SLFN12L: variants seen among roughly 807,000 people sequenced by gnomAD.
SLFN12L encodes schlafen family member 12 like.
Under a neutral mutation model 34.8 loss-of-function variants are expected in SLFN12L, and 34 were observed. The ratio of observed to expected loss-of-function variants is 0.98; its 90% CI spans 0.74 to 1.30. The LOEUF is 1.30. Among genes scored for constraint, SLFN12L ranks in the 50% most tolerant of loss-of-function variants. The pLI, the probability that SLFN12L is intolerant of heterozygous loss-of-function variation, is 0.00. For missense variants in SLFN12L, 703 were observed against 696.2 expected (o/e 1.01, Z -0.11); for synonymous variants, 259 against 247.5 (o/e 1.05, Z -0.44).
chr17:35,482,141 C>T (rs1914368087), intron 2 of SLFN12L, among the ~76,000 whole-genome samples: 1 of 152,236 alleles, frequency 6.6e-6, no homozygotes, highest in Non-Finnish European at 1.5e-5. Context: ...TTTGGGATTA[C>T]AGGCATGAGC....
At chr17:35,476,155 C>T (rs1335599864) in intron 4 of SLFN12L, among the ~76,000 whole-genome samples, 2 of 151,902 alleles carry the variant, frequency 1.3e-5, no homozygotes, top group South Asian at 2.1e-4. Context: ...CTAAAGAAAA[C>T]AGAGGTCAGA....
chr17:35,511,584 T>TACACACACACACAC (rs58683369), intron 2 of SLFN12L, among the ~76,000 whole-genome samples: 19 of 148,428 alleles, frequency 1.3e-4, no homozygotes, highest in African/African-American at 4.5e-4. Flanking sequence ...CACACACACA[T>TACACACACACACAC]ACACACACAC....
At chr17:35,516,150 G>A (rs2099468838) in intron 2 of SLFN12L, among the ~76,000 whole-genome samples, 1 of 152,100 alleles carries the variant, frequency 6.6e-6, no homozygotes, top group Admixed American at 6.6e-5. Flanking sequence ...TTATCTTTCT[G>A]AGGAAACTAT....
At position 35,522,319 on chromosome 17, in the gene SLFN12L, G is replaced by T; in HGVS notation, c.46C>A (p.Leu16Ile). 6.2e-7 allele frequency: 1 copy of T among 1,614,164 alleles called. No individual in the cohort carries two copies. Among genetic ancestry groups the T allele is most frequent in the Non-Finnish European group, 8.5e-7 (1 of 1,180,024 alleles). Residue 16 changes from leucine to isoleucine, a missense_variant, in exon 2 of 5, where the codon CTC (leucine) becomes ATC (isoleucine). Transcript: ENST00000628453. ...AGAAACTGACTTTCACAAATGTAGA[G>T]AATTCTGTGTGCCTCACAGTGAAAC... ...NVFHCEAHRI[L>I]YICESQFLRN...
chr17:35,490,043 T>C (rs1914768804), intron 2 of SLFN12L: 1 of 1,604,172 alleles, frequency 6.2e-7, no homozygotes, highest in African/African-American at 1.3e-5. Flanking sequence ...CACCACCTCC[T>C]GTTCCCTCTC....
chr17:35,505,288 AG>A (rs749948818), intron 2 of SLFN12L, among the ~76,000 whole-genome samples: 9 of 152,120 alleles, frequency 5.9e-5, no homozygotes, highest in Admixed American at 3.9e-4. Flanking sequence ...GAGAAAAAAA[AG>A]TGGCAGATGG....
intron 2 of SLFN12L, among the ~76,000 whole-genome samples, chr17:35,517,269 A>G (rs1597874749): frequency 6.6e-6 from 1 of 152,234 alleles, no homozygotes; most frequent in Non-Finnish European, 1.5e-5. Context: ...AGACAAGCAC[A>G]GAGCCAAATC....
chr17:35,513,833 A>G (rs906409234), intron 2 of SLFN12L, among the ~76,000 whole-genome samples: 13 of 152,280 alleles, frequency 8.5e-5, no homozygotes, highest in African/African-American at 1.4e-4. Context: ...AGATTAATTT[A>G]CAGAGTAGTG....
intron 2 of SLFN12L, among the ~76,000 whole-genome samples, chr17:35,493,135 CA>C (rs1914906797): frequency 1.3e-5 from 2 of 152,200 alleles, no homozygotes; most frequent in South Asian, 4.1e-4. Context: ...AACGAAGGTG[CA>C]GACTATCTTC....
intron 1 of SLFN12L, among the ~76,000 whole-genome samples, chr17:35,526,655 AC>A (rs938175294): frequency 6.6e-6 from 1 of 152,252 alleles, no homozygotes; most frequent in African/African-American, 2.4e-5. Context: ...GTTCTTCATA[AC>A]CAATGAGAAC....
chr17:35,519,801 G>C (rs948200032), intron 2 of SLFN12L, among the ~76,000 whole-genome samples: 3 of 152,110 alleles, frequency 2.0e-5, no homozygotes, highest in Non-Finnish European at 2.9e-5. Flanking sequence ...TGAAAATCTT[G>C]AGTATGAAAA....
intron 2 of SLFN12L, among the ~76,000 whole-genome samples, chr17:35,486,508 G>A (rs8064947): frequency 2.4e-3 from 359 of 152,016 alleles, no homozygotes; most frequent in African/African-American, 8.3e-3. Flanking sequence ...CTGGCCACCC[G>A]AGTCCAACAC....
chr17:35,506,617 G>T (rs778761252), intron 2 of SLFN12L, among the ~76,000 whole-genome samples: 14 of 152,146 alleles, frequency 9.2e-5, no homozygotes, highest in Non-Finnish European at 1.9e-4. Flanking sequence ...CTTCTATGAT[G>T]AACTAAATGT....
At chr17:35,519,272 G>T (rs1156880111) in intron 2 of SLFN12L, among the ~76,000 whole-genome samples, 1 of 151,888 alleles carries the variant, frequency 6.6e-6, no homozygotes, top group Non-Finnish European at 1.5e-5. Context: ...CAGGTTGATG[G>T]GTGCAGCAAA....
chr17:35,492,281 TG>T (rs1029395794), intron 2 of SLFN12L, among the ~76,000 whole-genome samples: 1 of 152,180 alleles, frequency 6.6e-6, no homozygotes, highest in Non-Finnish European at 1.5e-5. Flanking sequence ...GAGTCAGTCC[TG>T]GGGCTTGCTG....
At chr17:35,529,458 A>G (rs924902440) in intron 1 of SLFN12L, among the ~76,000 whole-genome samples, 5 of 152,248 alleles carry the variant, frequency 3.3e-5, no homozygotes, top group African/African-American at 9.6e-5. Flanking sequence ...ATGTCCATCA[A>G]TGATAGACTG....
rs537462462 is a variant in SLFN12L at position 35,469,765 on chromosome 17, C to T, written c.*5158G>A. On this transcript the variant is annotated 3_prime_UTR_variant, in exon 5 of 5. Transcript: ENST00000628453. ...CTCATACTCTAAGCTACTCACACATCGAGCCAATATTTTCCCTACCCTACA... is the reference window on the plus strand; with the variant it reads ...CTCATACTCTAAGCTACTCACACATTGAGCCAATATTTTCCCTACCCTACA... 3.9e-5 allele frequency among the ~76,000 whole-genome samples: 6 copies of T among 152,096 alleles called. No homozygotes were observed. The highest frequency in any genetic ancestry group is 2.0e-4 in the Admixed American group (3 of 15,246).
At chr17:35,498,192 C>CGGGGCCGCCTGGGGAGCG in intron 2 of SLFN12L, 1 of 691,304 alleles carries the variant, frequency 1.4e-6, no homozygotes. Context: ...CGTGGGGAGC[C>CGGGGCCGCCTGGGGAGCG]GGGGCCGCCT....
chr17:35,501,094 G>A (rs1915279696), intron 2 of SLFN12L, among the ~76,000 whole-genome samples: 1 of 152,238 alleles, frequency 6.6e-6, no homozygotes, highest in African/African-American at 2.4e-5. Flanking sequence ...TGACCAGAAA[G>A]CGAGGTGATT....
Sources: gnomAD v4.1 joint callset for allele counts (sites outside exome capture counted in the v4.1 genomes callset) on GRCh38, gnomAD v4.1.1 for gene constraint, MANE v1.5 for transcripts, NCBI Gene and HGNC (gene_info 2026-07-23, HGNC 2026-07-21) for gene names.